ROBO1: variants seen among roughly 807,000 people sequenced by gnomAD.
ROBO1 encodes roundabout guidance receptor 1.
ROBO1 carries 149 observed loss-of-function variants against 195.9 expected under a neutral mutation model. The observed-to-expected ratio is 0.76, with a 90% CI of 0.67 to 0.87. The LOEUF (loss-of-function observed/expected upper bound fraction) is 0.87. Among genes scored for constraint, ROBO1 ranks in the 40% least tolerant of loss-of-function variants. ROBO1 has a pLI of 0.00. For missense variants in ROBO1, 1,933 were observed against 2,068.3 expected (o/e 0.93, Z 1.27); for synonymous variants, 816 against 733.2 (o/e 1.11, Z -1.82).
intron 1 of ROBO1, among the ~76,000 whole-genome samples, chr3:79,595,956 C>A (rs1236906327): frequency 6.6e-6 from 1 of 151,782 alleles, no homozygotes; most frequent in African/African-American, 2.4e-5. Flanking sequence ...AAAGGTCAGC[C>A]CCATTGTGGA....
At chr3:79,233,538 G>A (rs1015944729) in intron 2 of ROBO1, among the ~76,000 whole-genome samples, 1 of 152,056 alleles carries the variant, frequency 6.6e-6, no homozygotes, top group Non-Finnish European at 1.5e-5. Context: ...TAACAAGTGG[G>A]ATCCAATGCA....
At chr3:79,416,789 T>C (rs2038023508) in intron 2 of ROBO1, among the ~76,000 whole-genome samples, 1 of 152,152 alleles carries the variant, frequency 6.6e-6, no homozygotes, top group Admixed American at 6.6e-5. Flanking sequence ...CATGCCATAT[T>C]TTGTAGGATA....
intron 8 of ROBO1, chr3:78,692,856 T>C (rs1231471259): frequency 6.6e-6 from 1 of 152,174 alleles, no homozygotes; most frequent in Non-Finnish European, 1.5e-5. Context: ...GAAATGAAAA[T>C]GAGTGCAAAC....
At chr3:79,623,415 T>C (rs1034861595) in intron 1 of ROBO1, among the ~76,000 whole-genome samples, 7 of 152,368 alleles carry the variant, frequency 4.6e-5, no homozygotes, top group Admixed American at 1.3e-4. Context: ...TAAAGGATCA[T>C]GTTCTAACAC....
chr3:79,156,300 T>C (rs528851382), intron 2 of ROBO1, among the ~76,000 whole-genome samples: 60 of 151,650 alleles, frequency 4.0e-4, no homozygotes, highest in Non-Finnish European at 5.9e-4. Flanking sequence ...ATTTATTGGC[T>C]ATAAATTAAA....
At chr3:78,970,041 C>T (rs567652018) in intron 3 of ROBO1, among the ~76,000 whole-genome samples, 1 of 151,964 alleles carries the variant, frequency 6.6e-6, no homozygotes, top group Non-Finnish European at 1.5e-5. Context: ...GTTATTGTGC[C>T]AGTTTATATT....
At chr3:79,147,456 G>A (rs959335694) in intron 2 of ROBO1, among the ~76,000 whole-genome samples, 4 of 151,904 alleles carry the variant, frequency 2.6e-5, no homozygotes, top group South Asian at 2.1e-4. Flanking sequence ...ATATTTAGGC[G>A]ATGTTCCCGA....
chr3:79,179,459 G>A (rs2081306224), intron 2 of ROBO1, among the ~76,000 whole-genome samples: 1 of 152,182 alleles, frequency 6.6e-6, no homozygotes, highest in African/African-American at 2.4e-5. Flanking sequence ...AGAATAACTT[G>A]CTAAATATCT....
At chr3:79,102,090 T>TA (rs2079686780) in intron 3 of ROBO1, among the ~76,000 whole-genome samples, 2 of 151,800 alleles carry the variant, frequency 1.3e-5, no homozygotes, top group Non-Finnish European at 2.9e-5. Context: ...CCATTTTTAT[T>TA]AAAATTATCT....
At chr3:79,218,916 T>C (rs544708184) in intron 2 of ROBO1, among the ~76,000 whole-genome samples, 1 of 152,112 alleles carries the variant, frequency 6.6e-6, no homozygotes, top group South Asian at 2.1e-4. Flanking sequence ...AATTGTCTAA[T>C]TGAATAGGAT....
At chr3:78,721,452 C>A (rs3773230) in intron 5 of ROBO1, among the ~76,000 whole-genome samples, 7,020 of 152,114 alleles carry the variant, frequency 0.046, 469 homozygotes, top group African/African-American at 0.15. Context: ...GATAGCACGC[C>A]GAGCCTCTTC....
intron 2 of ROBO1, among the ~76,000 whole-genome samples, chr3:79,547,184 CAAA>C (rs1162585941): frequency 2.6e-4 from 6 of 23,262 alleles, no homozygotes; most frequent in African/African-American, 5.8e-4. Flanking sequence ...GACTCCGCCT[CAAA>C]AAAAAAAAAA....
chr3:78,940,979 T>C (rs910896156), intron 3 of ROBO1, among the ~76,000 whole-genome samples: 1 of 152,158 alleles, frequency 6.6e-6, no homozygotes, highest in Non-Finnish European at 1.5e-5. Context: ...AAATATGTTA[T>C]TTTTCAAAGT....
intron 4 of ROBO1, among the ~76,000 whole-genome samples, chr3:78,901,374 T>C (rs190448697): frequency 1.8e-4 from 27 of 152,314 alleles, no homozygotes; most frequent in African/African-American, 3.8e-4. Context: ...AAAAGTTTTA[T>C]ATAACTCTTA....
chr3:79,031,565 T>C (rs1041385537), intron 3 of ROBO1, among the ~76,000 whole-genome samples: 1 of 152,144 alleles, frequency 6.6e-6, no homozygotes, highest in Admixed American at 6.5e-5. Context: ...ACTAGCTGGG[T>C]GATGGTGGGT....
At chr3:79,505,860 G>A (rs1398389265) in intron 2 of ROBO1, among the ~76,000 whole-genome samples, 2 of 152,182 alleles carry the variant, frequency 1.3e-5, no homozygotes, top group East Asian at 3.9e-4. Context: ...GAATTAATAG[G>A]TGAGGTATGC....
chr3:78,810,656 TC>T, intron 4 of ROBO1, among the ~76,000 whole-genome samples: 1 of 152,046 alleles, frequency 6.6e-6, no homozygotes, highest in South Asian at 2.1e-4. Context: ...CTATTCTGGT[TC>T]TGATTTACAA....
chr3:79,267,500 G>A lies in ROBO1; in HGVS notation c.89-141961C>T, dbSNP rs374564811. ...GTGGCTAAAACAATCTAGACTGATG[G>A]AAGAGTGAGAGGATAGTGGTGGGAA... On this transcript the variant is annotated intron_variant, in intron 2 of 30. Transcript: ENST00000464233. 3.3e-5 allele frequency among the ~76,000 whole-genome samples: 5 copies of A among 151,380 alleles called. No individual in the cohort carries two copies. The East Asian group carries it at 7.8e-4, about 24-fold the overall frequency.
chr3:79,142,669 G>T (rs1261725007), intron 2 of ROBO1, among the ~76,000 whole-genome samples: 1 of 152,076 alleles, frequency 6.6e-6, no homozygotes, highest in East Asian at 1.9e-4. Flanking sequence ...TGTGGGAAAT[G>T]TGGGAAATGG....
Sources: allele counts gnomAD v4.1 joint callset (sites outside exome capture counted in the v4.1 genomes callset), GRCh38; gene constraint gnomAD v4.1.1; transcripts MANE v1.5; gene names NCBI Gene and HGNC (gene_info 2026-07-23, HGNC 2026-07-21).